The following EHBP1 variants were observed in gnomAD, a reference collection of about 807,000 sequenced individuals.
The protein encoded by EHBP1 is EH domain-binding protein 1.
EHBP1 carries 55 observed loss-of-function variants against 144.0 expected under a neutral mutation model. That is an observed-to-expected ratio of 0.38 (90% CI 0.31 to 0.48). The LOEUF is 0.48. Among genes scored for constraint, EHBP1 ranks in the 20% least tolerant of loss-of-function variants. The pLI is 0.98. For synonymous variants in EHBP1, 469 were observed against 472.7 expected (o/e 0.99, Z 0.10); for missense variants, 1,200 against 1,364.2 (o/e 0.88, Z 1.90).
At chr2:62,914,324 T>A (rs2054445447) in intron 10 of EHBP1, among the ~76,000 whole-genome samples, 2 of 152,120 alleles carry the variant, frequency 1.3e-5, no homozygotes, top group Admixed American at 1.3e-4. Context: ...CTATTTTGTT[T>A]ATATGAATTT....
At chr2:63,038,226 G>A (rs181604855) in intron 20 of EHBP1, among the ~76,000 whole-genome samples, 25 of 152,160 alleles carry the variant, frequency 1.6e-4, no homozygotes, top group Admixed American at 8.5e-4. Context: ...GCCACCTAGC[G>A]TGAGAATGAG....
In EHBP1 at chr2:62,774,182, C is replaced by T. The variant is rs528708857; in HGVS notation, c.312+2790C>T. Among the ~76,000 whole-genome samples, 3 of 152,054 alleles carry T rather than the reference C, an allele frequency of 2.0e-5. No homozygotes were observed. The South Asian group carries it at 6.3e-4, about 32-fold the overall frequency. On this transcript the variant is annotated intron_variant, in intron 5 of 22. Coordinates refer to ENST00000431489, the MANE Select transcript of EHBP1 (RefSeq NM_001142616.3). The stretch of plus-strand genomic sequence containing the variant: ...GGTCAGGAGTTGGAGACCATTCTGG[C>T]CAACATGGTGAAACAGCGTCTCTAC...
intron 5 of EHBP1, among the ~76,000 whole-genome samples, chr2:62,815,202 C>T (rs936844592): frequency 2.0e-5 from 3 of 152,156 alleles, no homozygotes; most frequent in Admixed American, 2.0e-4. Flanking sequence ...TCTAATAAGA[C>T]CCCCTTGTTG....
At chr2:62,814,684 G>T (rs573327911) in intron 5 of EHBP1, among the ~76,000 whole-genome samples, 1 of 152,332 alleles carries the variant, frequency 6.6e-6, no homozygotes, top group East Asian at 1.9e-4. Context: ...ATTGGCCTAT[G>T]GTGATGTTAA....
At chr2:62,936,011 A>G (rs2056362785) in intron 10 of EHBP1, among the ~76,000 whole-genome samples, 2 of 152,290 alleles carry the variant, frequency 1.3e-5, no homozygotes, top group South Asian at 2.1e-4. Context: ...AAGACGTGTT[A>G]TCCTTTTTTA....
chr2:62,725,361 C>T (rs2036663267), intron 2 of EHBP1, among the ~76,000 whole-genome samples: 1 of 152,188 alleles, frequency 6.6e-6, no homozygotes, highest in African/African-American at 2.4e-5. Context: ...TCCCGGGGTG[C>T]CTGCCTCCAA....
intron 19 of EHBP1, among the ~76,000 whole-genome samples, chr2:63,036,500 G>T (rs1248872665): frequency 1.3e-5 from 2 of 151,802 alleles, no homozygotes; most frequent in Non-Finnish European, 2.9e-5. Flanking sequence ...ATAATCTGAA[G>T]GGAATTATTT....
intron 9 of EHBP1, among the ~76,000 whole-genome samples, chr2:62,871,609 TTC>T (rs1412289017): frequency 1.1e-4 from 16 of 152,322 alleles, no homozygotes; most frequent in Admixed American, 6.5e-4. Context: ...CCAAAATTTG[TTC>T]TTACTTCAAT....
At chr2:62,753,688 G>A (rs1324392674) in intron 3 of EHBP1, among the ~76,000 whole-genome samples, 1 of 152,028 alleles carries the variant, frequency 6.6e-6, no homozygotes, top group African/African-American at 2.4e-5. Context: ...TTTGTTGGAG[G>A]CTTTGTTTCT....
intron 1 of EHBP1, among the ~76,000 whole-genome samples, chr2:62,690,267 A>T (rs360792): frequency 0.18 from 26,698 of 152,140 alleles, 2,470 homozygotes; most frequent in Middle Eastern, 0.24. Flanking sequence ...TTGAAGTGAA[A>T]AAAATAATTG....
intron 2 of EHBP1, 98 bp from the exon 3 acceptor site, chr2:62,747,297 A>G: frequency 2.1e-6 from 2 of 960,452 alleles, no homozygotes; most frequent in South Asian, 1.5e-5. Context: ...TGCTTTATGT[A>G]GCCTAAAGCA....
chr2:62,883,533 A>G (rs1230499281), intron 10 of EHBP1, among the ~76,000 whole-genome samples: 2 of 152,194 alleles, frequency 1.3e-5, no homozygotes, highest in East Asian at 3.8e-4. Context: ...GGTAGTTTGG[A>G]TAAGATACCT....
chr2:62,994,160 TA>T (rs1002850423), intron 18 of EHBP1, 183 bp downstream of exon 18: 546 of 374,468 alleles, frequency 1.5e-3, no homozygotes, highest in South Asian at 2.4e-3. Context: ...AATTGTCAGA[TA>T]AAAAAAAATG....
At chr2:62,677,056 G>A (rs769331228) in intron 1 of EHBP1, among the ~76,000 whole-genome samples, 7 of 152,112 alleles carry the variant, frequency 4.6e-5, no homozygotes, top group Non-Finnish European at 1.0e-4. Context: ...CCAGATACTC[G>A]CAGTGGTCGG....
intron 5 of EHBP1, among the ~76,000 whole-genome samples, chr2:62,792,493 A>T (rs946320629): frequency 2.6e-5 from 4 of 152,084 alleles, no homozygotes; most frequent in Non-Finnish European, 1.5e-5. Context: ...TGATTTCTGC[A>T]CTTAGAAGAA....
rs376957371 is a variant in EHBP1 at position 62,825,240 on chromosome 2, G to A, written c.313-847G>A. Among the ~76,000 whole-genome samples the A allele has an allele frequency of 8.9e-4, 136 of 152,162 alleles. 4 individuals carry two copies. In the South Asian group the frequency reaches 0.027, roughly 30 times the overall value. On this transcript the variant is annotated intron_variant, in intron 5 of 22. Transcript: ENST00000431489. ...CATATCTCCCCAGAATTTACACGAT[G>A]TCTTGTACAAAGTTAATGCACAACC... is the stretch of plus-strand genomic sequence containing the variant.
At chr2:62,912,842 T>G (rs1222820605) in intron 10 of EHBP1, among the ~76,000 whole-genome samples, 2 of 152,180 alleles carry the variant, frequency 1.3e-5, no homozygotes, top group African/African-American at 4.8e-5. Flanking sequence ...TACTTCCTAT[T>G]TCTGCCTCCA....
intron 15 of EHBP1, among the ~76,000 whole-genome samples, chr2:62,980,776 C>T (rs527643459): frequency 1.3e-5 from 2 of 150,652 alleles, no homozygotes; most frequent in African/African-American, 2.4e-5. Context: ...CCCAGGAGTT[C>T]GAGATCAGCC....
At chr2:62,740,468 A>T (rs2038598369) in intron 2 of EHBP1, among the ~76,000 whole-genome samples, 2 of 152,208 alleles carry the variant, frequency 1.3e-5, no homozygotes, top group African/African-American at 4.8e-5. Flanking sequence ...TACCTACTGA[A>T]GGATAAAAAT....
Sources: allele counts gnomAD v4.1 joint callset (sites outside exome capture counted in the v4.1 genomes callset), GRCh38; gene constraint gnomAD v4.1.1; transcripts MANE v1.5; gene names NCBI Gene and HGNC (gene_info 2026-07-23, HGNC 2026-07-21).